Variants in KPNA7 observed in about 807,000 individuals in gnomAD.
KPNA7 encodes the protein karyopherin subunit alpha 7.
Under a neutral mutation model 53.7 loss-of-function variants are expected in KPNA7, and 54 were observed. The ratio of observed to expected loss-of-function variants is 1.01; its 90% CI spans 0.81 to 1.26. KPNA7 has a LOEUF of 1.26. KPNA7 is among the 50% of genes most tolerant of loss of function. KPNA7 has a pLI of 0.00. For synonymous variants in KPNA7, 276 were observed against 259.3 expected (o/e 1.06, Z -0.62); for missense variants, 640 against 644.5 (o/e 0.99, Z 0.07).
At chr7:99,166,376 C>T in the KPNA7 span, among the ~76,000 whole-genome samples, 3 of 152,092 alleles carry the variant, frequency 2.0e-5, no homozygotes, top group Admixed American at 6.6e-5. Flanking sequence ...AGTGCAGTGA[C>T]GTGATCCCGG....
chr7:99,153,085 G>A, the KPNA7 span, among the ~76,000 whole-genome samples: 1 of 152,202 alleles, frequency 6.6e-6, no homozygotes, highest in African/African-American at 2.4e-5. Context: ...GGTGAGGATT[G>A]TAGGATGTTT....
chr7:99,170,792 T>C (rs1798757800), downstream of KPNA7, among the ~76,000 whole-genome samples: 1 of 151,860 alleles, frequency 6.6e-6, no homozygotes, highest in Non-Finnish European at 1.5e-5. Context: ...GGGAAGAGAG[T>C]CATGCACAAA....
intron 6 of KPNA7, 88 bp downstream of exon 6, chr7:99,192,931 T>A: frequency 1.1e-6 from 1 of 917,208 alleles, no homozygotes; most frequent in Non-Finnish European, 1.6e-6. Context: ...AAGACCAGCC[T>A]GGGCAGAATG....
At chr7:99,209,682 C>CAAAAAAAAAAAAAA (rs60377276), upstream of KPNA7, among the ~76,000 whole-genome samples, 12 of 73,532 alleles carry the variant, frequency 1.6e-4, no homozygotes, top group African/African-American at 5.2e-4. Context: ...GACTCCAACT[C>CAAAAAAAAAAAAAA]AAAAAAAAAA....
intron 6 of KPNA7, among the ~76,000 whole-genome samples, chr7:99,190,231 G>A (rs1206166301): frequency 6.6e-6 from 1 of 151,926 alleles, no homozygotes; most frequent in Admixed American, 6.6e-5. Context: ...CAGCTACTCG[G>A]GAGGCTGAAG....
chr7:99,168,766 G>A (rs1042041273), downstream of KPNA7, among the ~76,000 whole-genome samples: 2 of 152,206 alleles, frequency 1.3e-5, no homozygotes, highest in Admixed American at 6.5e-5. Context: ...CTGAGTAGCT[G>A]GGACCACAGG....
At position 99,188,449 on chromosome 7, in the gene KPNA7, G is replaced by T. The variant is rs1447056386; in HGVS notation, c.751C>A (p.Gln251Lys). 3.9e-6 allele frequency: 6 copies of T among 1,551,712 alleles called. No homozygotes were observed. Among genetic ancestry groups the T allele is most frequent in the Non-Finnish European group, 4.4e-6 (5 of 1,147,006 alleles). ...QILPALLHLL[Q>K]HQDSEVLSDA... ...GAGAGAACCTCACTGTCCTGGTGCT[G>T]CAGGAGGTGAAGGAGGGCCGGCAGT... is the stretch of plus-strand genomic sequence containing the variant. Residue 251 changes from glutamine to lysine, a missense_variant, in exon 7 of 11, where the codon CAG becomes AAG. Physicochemically the swap from Gln to Lys is moderately conservative, Grantham distance 53. Coordinates refer to ENST00000327442, the MANE Select transcript of KPNA7 (RefSeq NM_001145715.3).
intron 8 of KPNA7, among the ~76,000 whole-genome samples, chr7:99,183,353 G>T (rs1437179291): frequency 6.6e-6 from 1 of 152,058 alleles, no homozygotes; most frequent in Admixed American, 6.6e-5. Context: ...TCCTGGGTAG[G>T]ATTTATTCCC....
the KPNA7 span, among the ~76,000 whole-genome samples, chr7:99,163,383 A>AT: frequency 0.013 from 530 of 40,820 alleles, 48 homozygotes; most frequent in Middle Eastern, 0.022. Context: ...ATATATATAT[A>AT]TTTTTTTTTT....
At chr7:99,205,916 C>T (rs887567526) in intron 2 of KPNA7, among the ~76,000 whole-genome samples, 1 of 152,054 alleles carries the variant, frequency 6.6e-6, no homozygotes, top group Non-Finnish European at 1.5e-5. Flanking sequence ...CCAAAGAAGC[C>T]GAGTGAATGT....
At chr7:99,207,556 A>G in intron 1 of KPNA7, 67 bp from the exon 2 acceptor site, 5 of 742,808 alleles carry the variant, frequency 6.7e-6, no homozygotes, top group Non-Finnish European at 1.1e-5. Context: ...TCAGTATCAT[A>G]AGGCTCTAAC....
chr7:99,195,567 T>C (rs1463384163), intron 4 of KPNA7, among the ~76,000 whole-genome samples: 1 of 152,116 alleles, frequency 6.6e-6, no homozygotes, highest in Non-Finnish European at 1.5e-5. Flanking sequence ...CTGGGTGTGG[T>C]GGTGCACACC....
At chr7:99,157,501 G>A in the KPNA7 span, among the ~76,000 whole-genome samples, 2 of 152,264 alleles carry the variant, frequency 1.3e-5, no homozygotes, top group East Asian at 1.9e-4. Context: ...GAGCCACTGC[G>A]CCCAGCCCCG....
chr7:99,202,561 T>A (rs1462655963), intron 3 of KPNA7, among the ~76,000 whole-genome samples: 1 of 152,040 alleles, frequency 6.6e-6, no homozygotes, highest in East Asian at 1.9e-4. Flanking sequence ...TATCACCTTT[T>A]TGGCCAGGTA....
intron 1 of KPNA7, among the ~76,000 whole-genome samples, chr7:99,216,786 T>G (rs1353495275): frequency 6.6e-6 from 1 of 152,144 alleles, no homozygotes; most frequent in Non-Finnish European, 1.5e-5. Context: ...GGTCTCGAAC[T>G]CCTGACCTCA....
At chr7:99,152,759 A>G in the KPNA7 span, among the ~76,000 whole-genome samples, 1 of 152,166 alleles carries the variant, frequency 6.6e-6, no homozygotes, top group African/African-American at 2.4e-5. Flanking sequence ...GTTGTCAATT[A>G]GAGGTATAAT....
the KPNA7 span, among the ~76,000 whole-genome samples, chr7:99,163,383 ATTTTTT>A: frequency 3.4e-3 from 140 of 40,778 alleles, 2 homozygotes; most frequent in African/African-American, 0.011. Context: ...ATATATATAT[ATTTTTT>A]TTTTTTTTTT....
chr7:99,195,600 G>T (rs977505931), intron 4 of KPNA7, among the ~76,000 whole-genome samples: 1 of 152,150 alleles, frequency 6.6e-6, no homozygotes, highest in Non-Finnish European at 1.5e-5. Context: ...TTCTCTGGAG[G>T]CTTGAGGCAG....
the KPNA7 span, among the ~76,000 whole-genome samples, chr7:99,149,784 T>G: frequency 6.6e-6 from 1 of 152,120 alleles, no homozygotes; most frequent in African/African-American, 2.4e-5. Context: ...CAAGTTGTTT[T>G]TTGTTGTTGT....
Sources: gnomAD v4.1 joint callset for allele counts (sites outside exome capture counted in the v4.1 genomes callset) on GRCh38, gnomAD v4.1.1 for gene constraint, MANE v1.5 for transcripts, NCBI Gene and HGNC (gene_info 2026-07-23, HGNC 2026-07-21) for gene names.